The following ADD2 variants were observed in gnomAD, a reference collection of about 807,000 sequenced individuals.
The protein encoded by ADD2 is beta-adducin.
In ADD2, 23 loss-of-function variants were observed where a neutral mutation model predicts 83.0. The ratio of observed to expected loss-of-function variants is 0.28; its 90% CI spans 0.20 to 0.39. The LOEUF (loss-of-function observed/expected upper bound fraction) is 0.39. ADD2 is among the 10% of genes least tolerant of loss of function. The probability of loss-of-function intolerance (pLI) is 1.00; values close to 1 mark genes in which losing one functional copy is unlikely to be tolerated. For synonymous variants in ADD2, 375 were observed against 375.4 expected (o/e 1.00, Z 0.01); for missense variants, 758 against 944.9 (o/e 0.80, Z 2.59).
At chr2:70,704,265 C>CCCCCCCCCCCA in intron 4 of ADD2, 56 bp downstream of exon 4, 1 of 442,438 alleles carries the variant, frequency 2.3e-6, no homozygotes, top group Non-Finnish European at 4.5e-6. Context: ...CCCTCTCTTC[C>CCCCCCCCCCCA]CCACCCCACC....
chr2:70,693,174 A>G (rs1671137625), intron 6 of ADD2, among the ~76,000 whole-genome samples: 2 of 152,146 alleles, frequency 1.3e-5, no homozygotes, highest in African/African-American at 4.8e-5. Flanking sequence ...TGTGTCCTGA[A>G]AGCCCACAAT....
intron 4 of ADD2, among the ~76,000 whole-genome samples, chr2:70,699,509 G>A (rs554046500): frequency 6.6e-6 from 1 of 152,332 alleles, no homozygotes. Flanking sequence ...GCCAGGCACA[G>A]TGGCTCACAC....
intron 13 of ADD2, chr2:70,675,389 G>T (rs1479974974): frequency 4.1e-6 from 4 of 985,578 alleles, no homozygotes; most frequent in Non-Finnish European, 4.8e-6. Flanking sequence ...CAAGGTTCCT[G>T]AGTCTCAGAT....
chr2:70,731,350 G>T (rs182114294), intron 1 of ADD2, among the ~76,000 whole-genome samples: 36 of 152,306 alleles, frequency 2.4e-4, no homozygotes, highest in Admixed American at 2.0e-3. Flanking sequence ...GGGTAAAGGA[G>T]ATGTGAGCAG....
chr2:70,672,930 C>G lies in ADD2; in HGVS notation c.1818G>C (p.Ala606=). The change falls in exon 15 of 16, where the codon GCG becomes GCC. Residue 606 remains alanine, a synonymous_variant. Transcript: ENST00000264436. ...AAGGGCTCTTTGTCTCTGCCTCCTT[C>G]GCTGGGCTCTGCACTGGAGAAGCAG... ...SAPASPVQSP[A]KEAETKSPLV... is the part of the protein sequence containing the mutation. 3 of 1,613,708 alleles carry G rather than the reference C, an allele frequency of 1.9e-6. No individual in the cohort carries two copies. The South Asian group carries it at 3.3e-5, about 18-fold the overall frequency.
intron 1 of ADD2, among the ~76,000 whole-genome samples, chr2:70,755,331 G>A (rs781866516): frequency 6.6e-6 from 1 of 152,164 alleles, no homozygotes; most frequent in East Asian, 1.9e-4. Context: ...CCTCTGATCC[G>A]TCTCACGAAC....
At chr2:70,711,539 T>TA (rs540337619) in intron 2 of ADD2, among the ~76,000 whole-genome samples, 5 of 152,160 alleles carry the variant, frequency 3.3e-5, no homozygotes, top group East Asian at 1.9e-4. Flanking sequence ...CCTTGATTTT[T>TA]AAAAAAACTC....
chr2:70,738,117 CACTACTTGGGAG>C (rs1400680955), intron 1 of ADD2, among the ~76,000 whole-genome samples: 3 of 152,116 alleles, frequency 2.0e-5, no homozygotes, highest in Non-Finnish European at 4.4e-5. Flanking sequence ...ATAAATTAAA[CACTACTTGGGAG>C]ACATATCTAT....
intron 1 of ADD2, among the ~76,000 whole-genome samples, chr2:70,720,962 G>A (rs2104437389): frequency 6.6e-6 from 1 of 152,322 alleles, no homozygotes; most frequent in East Asian, 1.9e-4. Context: ...AGGAAATGAC[G>A]CAGCCACCAA....
intron 13 of ADD2, chr2:70,675,132 A>T (rs765035631): frequency 2.7e-5 from 29 of 1,068,722 alleles, no homozygotes; most frequent in Non-Finnish European, 3.3e-5. Flanking sequence ...TTCTATGGAC[A>T]CTTCCAAGCC....
rs762541752 is a variant in ADD2 at position 70,694,274 on chromosome 2, C to A, written c.555+1447G>T. Among the ~76,000 whole-genome samples the A allele has an allele frequency of 3.7e-4, 57 of 152,294 alleles. 1 individual carries two copies. Among genetic ancestry groups the A allele is most frequent in the South Asian group, 2.1e-4 (1 of 4,822 alleles). On this transcript the variant is annotated intron_variant, in intron 6 of 15. Transcript: ENST00000264436. ...ATTCCCAATCCAACTGATCAGCAGGCCTACTAAGCATAGAGGCCCGGAATT... is the reference window on the plus strand; with the variant it reads ...ATTCCCAATCCAACTGATCAGCAGGACTACTAAGCATAGAGGCCCGGAATT...
chr2:70,712,097 G>T (rs1235817556), intron 2 of ADD2, among the ~76,000 whole-genome samples: 1 of 152,016 alleles, frequency 6.6e-6, no homozygotes, highest in African/African-American at 2.4e-5. Context: ...ATGTATTTTC[G>T]CCCCCAGGAC....
intron 4 of ADD2, among the ~76,000 whole-genome samples, chr2:70,699,172 G>C (rs1485272586): frequency 6.6e-6 from 1 of 152,062 alleles, no homozygotes; most frequent in Non-Finnish European, 1.5e-5. Context: ...ACAGATTTGG[G>C]AGATAAAAAC....
chr2:70,677,838 T>C lies in ADD2; in HGVS notation c.1423A>G (p.Met475Val). The change falls in exon 12 of 16, where the codon ATG (methionine) becomes GTG (valine). Residue 475 changes from methionine (M) to valine (V), a missense_variant. Transcript: ENST00000264436. Reference sequence around the variant, plus strand: ...TTTGGGTTTTCGATGCGAATCGGCATGCCACTGCTGGATTTCTCCACCTCG... The same window carrying C: ...TTTGGGTTTTCGATGCGAATCGGCACGCCACTGCTGGATTTCTCCACCTCG... Reference protein sequence around the residue: ...ADEVEKSSSGMPIRIENPNQF... With the variant: ...ADEVEKSSSGVPIRIENPNQF... The C allele has an allele frequency of 6.2e-7, 1 of 1,614,234 alleles. No individual in the cohort carries two copies. Among genetic ancestry groups the C allele is most frequent in the Non-Finnish European group, 8.5e-7 (1 of 1,180,042 alleles).
At chr2:70,731,740 T>A (rs1673293321) in intron 1 of ADD2, among the ~76,000 whole-genome samples, 1 of 152,034 alleles carries the variant, frequency 6.6e-6, no homozygotes, top group African/African-American at 2.4e-5. Flanking sequence ...AAAAGACAAA[T>A]CCCTCTACGG....
Position 70,658,361 on chromosome 2 carries a change from G to A in ADD2, c.*5064C>T, listed in dbSNP as rs1675430151. ...CCACATCTGAATAGGTTGGTTAGAC[G>A]GGGCTTCTGGAAGTAATTACACTCC... On this transcript the variant is annotated 3_prime_UTR_variant, in exon 16 of 16. Coordinates refer to ENST00000264436, the MANE Select transcript of ADD2 (RefSeq NM_001617.4). 2 of 152,092 alleles carry A rather than the reference G, an allele frequency of 1.3e-5. No homozygotes were observed. The highest frequency in any genetic ancestry group is 6.5e-5 in the Admixed American group (1 of 15,268). The allele number at this position is 152,092 out of a possible 1,614,324, so 9.4% of individuals were successfully genotyped here.
At position 70,662,541 on chromosome 2, in the gene ADD2, C is replaced by A. The variant is rs912154625; in HGVS notation, c.*884G>T. On this transcript the variant is annotated 3_prime_UTR_variant, in exon 16 of 16. Transcript: ENST00000264436. The stretch of plus-strand genomic sequence containing the variant: ...CAGGTGTCATGCAAAGCTAGAAAGT[C>A]AGCATTTCCTCTGTTGTTTTGATCC... 6.6e-6 allele frequency: 1 copy of A among 152,226 alleles called. No individual in the cohort carries two copies. The highest frequency in any genetic ancestry group is 1.5e-5 in the Non-Finnish European group (1 of 68,048). The allele number at this position is 152,226 out of a possible 1,614,324, so 9.4% of individuals were successfully genotyped here.
chr2:70,753,456 A>G (rs782227119), intron 1 of ADD2, among the ~76,000 whole-genome samples: 48 of 152,256 alleles, frequency 3.2e-4, no homozygotes, highest in Admixed American at 2.6e-4. Flanking sequence ...GATGCAGAAA[A>G]GAGAAAAGCC....
At chr2:70,761,231 T>A (rs1675070688) in intron 1 of ADD2, among the ~76,000 whole-genome samples, 1 of 151,794 alleles carries the variant, frequency 6.6e-6, no homozygotes, top group African/African-American at 2.4e-5. Flanking sequence ...GCATTACTTT[T>A]TTTTTTTTTT....
Sources: gnomAD v4.1 joint callset for allele counts (sites outside exome capture counted in the v4.1 genomes callset) on GRCh38, gnomAD v4.1.1 for gene constraint, MANE v1.5 for transcripts, NCBI Gene and HGNC (gene_info 2026-07-23, HGNC 2026-07-21) for gene names.